Variants in DYNC1I1 observed in about 807,000 individuals in gnomAD.
The protein encoded by DYNC1I1 is cytoplasmic dynein 1 intermediate chain 1.
A neutral mutation model predicts 86.6 loss-of-function variants in DYNC1I1; 43 were observed. The observed-to-expected ratio is 0.50, with a 90% CI of 0.39 to 0.64. The LOEUF (loss-of-function observed/expected upper bound fraction) is 0.64, where lower values mean the gene tolerates loss of function less well. Ranked by LOEUF, DYNC1I1 falls within the 30% of genes least tolerant of loss-of-function variation. DYNC1I1 has a pLI of 0.00. For synonymous variants in DYNC1I1, 262 were observed against 283.7 expected (o/e 0.92, Z 0.77); for missense variants, 604 against 788.8 (o/e 0.77, Z 2.81).
At chr7:96,069,888 A>G (rs1381389300) in intron 14 of DYNC1I1, among the ~76,000 whole-genome samples, 1 of 152,224 alleles carries the variant, frequency 6.6e-6, no homozygotes, top group Non-Finnish European at 1.5e-5. Flanking sequence ...AGCAAATGCT[A>G]AATTCCTGAA....
chr7:95,814,044 C>T (rs774910336), intron 4 of DYNC1I1, among the ~76,000 whole-genome samples: 23 of 152,116 alleles, frequency 1.5e-4, no homozygotes, highest in African/African-American at 2.2e-4. Context: ...GGTAAATCTC[C>T]GAATCCAGCT....
downstream of DYNC1I1, among the ~76,000 whole-genome samples, chr7:96,098,669 T>C (rs1791081402): frequency 6.6e-6 from 1 of 152,196 alleles, no homozygotes; most frequent in Non-Finnish European, 1.5e-5. Flanking sequence ...CAAAGACAGT[T>C]GTTGGAGTAA....
intron 6 of DYNC1I1, among the ~76,000 whole-genome samples, chr7:95,924,944 C>G (rs1430895374): frequency 2.0e-5 from 3 of 152,144 alleles, no homozygotes; most frequent in Non-Finnish European, 4.4e-5. Context: ...ACAGACTCAC[C>G]CAAGGACAGC....
chr7:95,883,559 C>A (rs1790511885), intron 6 of DYNC1I1, among the ~76,000 whole-genome samples: 1 of 152,136 alleles, frequency 6.6e-6, no homozygotes, highest in Non-Finnish European at 1.5e-5. Flanking sequence ...TTCTAAAAAA[C>A]CTTTTATACT....
chr7:95,784,946 A>C (rs1436851338), intron 1 of DYNC1I1, among the ~76,000 whole-genome samples: 1 of 152,168 alleles, frequency 6.6e-6, no homozygotes, highest in Non-Finnish European at 1.5e-5. Flanking sequence ...CAGCATAAAC[A>C]AGGGGGCAGG....
At chr7:96,095,420 ATTAAC>A (rs1199422326) in intron 16 of DYNC1I1, among the ~76,000 whole-genome samples, 4 of 152,162 alleles carry the variant, frequency 2.6e-5, no homozygotes, top group African/African-American at 9.7e-5. Context: ...GTCATCATGT[ATTAAC>A]TTAAATTTGT....
At chr7:95,917,845 A>G (rs891407931) in intron 6 of DYNC1I1, among the ~76,000 whole-genome samples, 3 of 152,182 alleles carry the variant, frequency 2.0e-5, no homozygotes, top group Admixed American at 1.3e-4. Flanking sequence ...GTCCTTCCAC[A>G]GGATGAAAAA....
At chr7:95,882,359 G>T (rs1028340777) in intron 6 of DYNC1I1, among the ~76,000 whole-genome samples, 4 of 152,160 alleles carry the variant, frequency 2.6e-5, no homozygotes, top group Non-Finnish European at 5.9e-5. Flanking sequence ...TCTTAGTCAT[G>T]TTGAGCTTTG....
chr7:95,855,516 T>C (rs1224897887), intron 5 of DYNC1I1, among the ~76,000 whole-genome samples: 1 of 152,206 alleles, frequency 6.6e-6, no homozygotes, highest in Non-Finnish European at 1.5e-5. Flanking sequence ...GCTGTTAAAG[T>C]CATGTGTTGC....
At chr7:95,885,247 A>C (rs1790563207) in intron 6 of DYNC1I1, among the ~76,000 whole-genome samples, 1 of 151,938 alleles carries the variant, frequency 6.6e-6, no homozygotes, top group Non-Finnish European at 1.5e-5. Context: ...GGCTCACTGC[A>C]ACTTCCACCT....
intron 6 of DYNC1I1, among the ~76,000 whole-genome samples, chr7:95,970,480 G>A (rs1165993747): frequency 6.6e-6 from 1 of 152,170 alleles, no homozygotes; most frequent in East Asian, 1.9e-4. Context: ...TGCACAAAGG[G>A]TGTGCTGGGG....
chr7:96,109,919 C>A (rs2116360128), intron 16 of DYNC1I1: 1 of 219,178 alleles, frequency 4.6e-6, no homozygotes, highest in Non-Finnish European at 9.4e-6. Flanking sequence ...TAAATGTGTT[C>A]AAATCTTCTA....
chr7:95,849,650 G>T (rs1218508441), intron 5 of DYNC1I1, among the ~76,000 whole-genome samples: 1 of 152,136 alleles, frequency 6.6e-6, no homozygotes, highest in African/African-American at 2.4e-5. Flanking sequence ...GTCAGGTAGT[G>T]TGATGCCTTC....
chr7:96,045,627 A>G (rs965501901), intron 14 of DYNC1I1, among the ~76,000 whole-genome samples: 4 of 152,142 alleles, frequency 2.6e-5, no homozygotes, highest in African/African-American at 9.7e-5. Flanking sequence ...AGAATACATG[A>G]TAATGAACAG....
intron 6 of DYNC1I1, among the ~76,000 whole-genome samples, chr7:95,936,664 T>G (rs1792048607): frequency 6.6e-6 from 1 of 151,914 alleles, no homozygotes; most frequent in African/African-American, 2.4e-5. Context: ...AACAAGATGT[T>G]GTGGAAAAAG....
chr7:95,975,299 T>C (rs1793274686), intron 6 of DYNC1I1, among the ~76,000 whole-genome samples: 1 of 152,198 alleles, frequency 6.6e-6, no homozygotes, highest in African/African-American at 2.4e-5. Context: ...AGAAATGTAA[T>C]GCCTCACAGT....
chr7:96,017,554 T>A (rs982470031), intron 10 of DYNC1I1, among the ~76,000 whole-genome samples: 1 of 152,172 alleles, frequency 6.6e-6, no homozygotes, highest in Non-Finnish European at 1.5e-5. Context: ...AATATGACCA[T>A]TTTGCTGAAG....
At chr7:96,009,968 G>T (rs1233486587) in intron 10 of DYNC1I1, among the ~76,000 whole-genome samples, 1 of 151,920 alleles carries the variant, frequency 6.6e-6, no homozygotes, top group Non-Finnish European at 1.5e-5. Flanking sequence ...TAGTAAAGAT[G>T]AGGTTTCTCC....
At chr7:96,080,955 A>C (rs1345439036) in intron 16 of DYNC1I1, among the ~76,000 whole-genome samples, 1 of 152,004 alleles carries the variant, frequency 6.6e-6, no homozygotes, top group African/African-American at 2.4e-5. Context: ...CTGTAATCCC[A>C]GCTACTCAGG....
Sources: gnomAD v4.1 joint callset for allele counts (sites outside exome capture counted in the v4.1 genomes callset) on GRCh38, gnomAD v4.1.1 for gene constraint, MANE v1.5 for transcripts, NCBI Gene and HGNC (gene_info 2026-07-23, HGNC 2026-07-21) for gene names.